Variants in ADD2 observed in about 807,000 individuals in gnomAD.
The protein encoded by ADD2 is beta-adducin.
In ADD2, 23 loss-of-function variants were observed where a neutral mutation model predicts 83.0. The ratio of observed to expected loss-of-function variants is 0.28; its 90% CI spans 0.20 to 0.39. The LOEUF is 0.39. ADD2 is among the 10% of genes least tolerant of loss of function. ADD2 has a pLI of 1.00. For missense variants in ADD2, 758 were observed against 944.9 expected, an observed-to-expected ratio of 0.80 and a Z score of 2.59; for synonymous variants, 375 against 375.4, an observed-to-expected ratio of 1.00 and a Z score of 0.01.
intron 1 of ADD2, among the ~76,000 whole-genome samples, chr2:70,756,746 T>C (rs1167639691): frequency 6.6e-6 from 1 of 152,156 alleles, no homozygotes; most frequent in African/African-American, 2.4e-5. Context: ...AGTGAATCTA[T>C]TGTCTGGAGT....
chr2:70,741,831 T>G (rs1673932252), intron 1 of ADD2, among the ~76,000 whole-genome samples: 1 of 152,180 alleles, frequency 6.6e-6, no homozygotes. Context: ...GTCTTGGTAC[T>G]GCAGTATAGG....
intron 2 of ADD2, among the ~76,000 whole-genome samples, chr2:70,711,652 A>G (rs1177280749): frequency 2.0e-5 from 3 of 152,132 alleles, no homozygotes; most frequent in African/African-American, 7.2e-5. Flanking sequence ...ATGTGCTGGG[A>G]GAGTTATGGG....
chr2:70,683,939 ATTAG>A (rs1361413283), intron 9 of ADD2, among the ~76,000 whole-genome samples, 172 bp from the exon 10 acceptor site: 4 of 152,232 alleles, frequency 2.6e-5, no homozygotes, highest in Admixed American at 2.0e-4. Flanking sequence ...GAAAAGAGCT[ATTAG>A]TTTATTTTCT....
intron 15 of ADD2, among the ~76,000 whole-genome samples, chr2:70,671,257 A>G (rs931486084): frequency 2.1e-4 from 32 of 152,278 alleles, no homozygotes; most frequent in Non-Finnish European, 4.3e-4. Flanking sequence ...TACCACCGGG[A>G]GTGCCCGAGA....
intron 10 of ADD2, among the ~76,000 whole-genome samples, chr2:70,681,078 T>TA (rs1490779145): frequency 1.3e-5 from 2 of 151,916 alleles, no homozygotes; most frequent in African/African-American, 4.8e-5. Context: ...TAGGCATAGT[T>TA]AAATAATTAC....
intron 1 of ADD2, among the ~76,000 whole-genome samples, chr2:70,728,504 G>A (rs1367254689): frequency 1.3e-5 from 2 of 152,188 alleles, no homozygotes; most frequent in East Asian, 1.9e-4. Context: ...TTCGAGAAGA[G>A]GTGCACTAGG....
chr2:70,688,375 G>T (rs1275458115), intron 8 of ADD2, among the ~76,000 whole-genome samples: 2 of 152,220 alleles, frequency 1.3e-5, no homozygotes, highest in Admixed American at 1.3e-4. Flanking sequence ...TTTAGGCAAC[G>T]CCTGGGTTTT....
At chr2:70,753,215 C>A (rs1553383245) in intron 1 of ADD2, among the ~76,000 whole-genome samples, 1 of 152,122 alleles carries the variant, frequency 6.6e-6, no homozygotes, top group East Asian at 1.9e-4. Context: ...AAGTGGTCAA[C>A]AGTGTTGAGT....
chr2:70,674,528 C>G, intron 14 of ADD2, 150 bp downstream of exon 14: 1 of 835,850 alleles, frequency 1.2e-6, no homozygotes, highest in Non-Finnish European at 1.8e-6. Flanking sequence ...CTGTCAGGAA[C>G]AGAGCAATGA....
rs1457335568 is a variant in ADD2, at chr2:70,657,872, A to C, written c.*5553T>G. 2 of 152,186 alleles carry C rather than the reference A, an allele frequency of 1.3e-5. No homozygotes were observed. Among genetic ancestry groups the C allele is most frequent in the Non-Finnish European group, 2.9e-5 (2 of 68,088 alleles). 9.4% of individuals were successfully genotyped at this position (152,186 alleles called of 1,614,324 possible). A position where few individuals can be genotyped will look rare whatever the true frequency, so the allele number is the denominator to read the frequency against. On this transcript the variant is annotated 3_prime_UTR_variant, in exon 16 of 16. Transcript: ENST00000264436. ...GGAGCCCAGGACCTGACTCTACTAG[A>C]AAACTGCCAGTGCTTTCTCACACTG... is the stretch of plus-strand genomic sequence containing the variant.
At chr2:70,716,399 A>G (rs915900415) in intron 1 of ADD2, among the ~76,000 whole-genome samples, 7 of 151,978 alleles carry the variant, frequency 4.6e-5, no homozygotes, top group African/African-American at 1.7e-4. Context: ...TCTGCCAGGA[A>G]CACCCTCCTC....
intron 10 of ADD2, among the ~76,000 whole-genome samples, chr2:70,683,286 C>T (rs1670550801): frequency 6.6e-6 from 1 of 152,252 alleles, no homozygotes; most frequent in South Asian, 2.1e-4. Flanking sequence ...CTCGGCCTCC[C>T]AGAGTGCTGG....
chr2:70,685,237 C>T (rs1428667265), intron 9 of ADD2, among the ~76,000 whole-genome samples: 1 of 152,122 alleles, frequency 6.6e-6, no homozygotes, highest in African/African-American at 2.4e-5. Flanking sequence ...AACCTGCTGA[C>T]AAATGCAGGT....
At chr2:70,692,739 C>T (rs781046582) in intron 6 of ADD2, among the ~76,000 whole-genome samples, 187 bp from the exon 7 acceptor site, 10 of 133,612 alleles carry the variant, frequency 7.5e-5, no homozygotes, top group East Asian at 2.5e-4. Flanking sequence ...CACAGTCTAA[C>T]GGGACACAGA....
intron 1 of ADD2, chr2:70,767,519 G>T: frequency 5.1e-6 from 2 of 392,874 alleles, no homozygotes; most frequent in Non-Finnish European, 7.3e-6. Flanking sequence ...GGGGAGGGGA[G>T]GGAGGGGAGG....
Position 70,663,397 on chromosome 2 carries a change from G to T in ADD2, c.*28C>A. ...AAGGGAAGGGGAGGAGAGAGAGGAGGCAGGAGGGAGCCCAAGGGTGTCATG... is the reference window on the plus strand; with the variant it reads ...AAGGGAAGGGGAGGAGAGAGAGGAGTCAGGAGGGAGCCCAAGGGTGTCATG... On this transcript the variant is annotated 3_prime_UTR_variant, in exon 16 of 16. Coordinates refer to ENST00000264436, the MANE Select transcript of ADD2 (RefSeq NM_001617.4). 6.3e-7 allele frequency: 1 copy of T among 1,587,958 alleles called. No homozygotes were observed. The highest frequency in any genetic ancestry group is 8.6e-7 in the Non-Finnish European group (1 of 1,164,108).
At chr2:70,691,726 CA>C (rs1553371684) in intron 7 of ADD2, 2 of 152,164 alleles carry the variant, frequency 1.3e-5, no homozygotes, top group African/African-American at 4.8e-5. Context: ...CATCTTAGTC[CA>C]AATTCTGGAA....
intron 1 of ADD2, among the ~76,000 whole-genome samples, chr2:70,753,404 A>G (rs1453892170): frequency 6.6e-6 from 1 of 152,188 alleles, no homozygotes; most frequent in Non-Finnish European, 1.5e-5. Flanking sequence ...GAGAACATAA[A>G]GGGAGAAATG....
chr2:70,736,233 GGAGA>G (rs1673552358), intron 1 of ADD2, among the ~76,000 whole-genome samples: 1 of 152,220 alleles, frequency 6.6e-6, no homozygotes, highest in Non-Finnish European at 1.5e-5. Flanking sequence ...ATGGCATAAA[GGAGA>G]GAGTCAAAGA....
Sources: gnomAD v4.1 joint callset for allele counts (sites outside exome capture counted in the v4.1 genomes callset) on GRCh38, gnomAD v4.1.1 for gene constraint, MANE v1.5 for transcripts, NCBI Gene and HGNC (gene_info 2026-07-23, HGNC 2026-07-21) for gene names.